The following RGS6 variants were observed in gnomAD, a reference collection of about 807,000 sequenced individuals.
The protein encoded by RGS6 is regulator of G protein signaling 6.
RGS6 carries 30 observed loss-of-function variants against 78.5 expected under a neutral mutation model. The ratio of observed to expected loss-of-function variants is 0.38; its 90% CI spans 0.29 to 0.52. RGS6 has a LOEUF of 0.52. RGS6 is among the 20% of genes least tolerant of loss of function. The pLI is 0.85. For synonymous variants in RGS6, 206 were observed against 206.0 expected, an observed-to-expected ratio of 1.00 and a Z score of 0.00; for missense variants, 495 against 609.7, an observed-to-expected ratio of 0.81 and a Z score of 1.98.
At chr14:71,928,961 T>C (rs768073888), upstream of RGS6, among the ~76,000 whole-genome samples, 15 of 152,240 alleles carry the variant, frequency 9.9e-5, no homozygotes, top group Non-Finnish European at 4.4e-5. Flanking sequence ...AGAACACTTA[T>C]ACTTTAATGT....
chr14:72,419,214 A>C (rs1161704993), intron 3 of RGS6, among the ~76,000 whole-genome samples: 1 of 152,260 alleles, frequency 6.6e-6, no homozygotes, highest in Non-Finnish European at 1.5e-5. Flanking sequence ...AATACTATTT[A>C]AAGCTAGTAG....
intron 2 of RGS6, among the ~76,000 whole-genome samples, chr14:72,347,188 T>A (rs2078220507): frequency 6.6e-6 from 1 of 152,234 alleles, no homozygotes. Context: ...GAATTGATTT[T>A]GCTCTTCTTT....
chr14:72,263,820 A>G (rs1407595512), intron 2 of RGS6, among the ~76,000 whole-genome samples: 1 of 152,202 alleles, frequency 6.6e-6, no homozygotes, highest in African/African-American at 2.4e-5. Flanking sequence ...TCAGCCACCC[A>G]GTTGGTGGTA....
chr14:72,160,629 G>A (rs569443473), intron 2 of RGS6, among the ~76,000 whole-genome samples: 27 of 152,170 alleles, frequency 1.8e-4, no homozygotes, highest in Non-Finnish European at 1.3e-4. Flanking sequence ...CCTTTGGGAT[G>A]GGTCCTAATC....
At chr14:72,436,584 G>A (rs2094922445) in intron 3 of RGS6, among the ~76,000 whole-genome samples, 1 of 152,154 alleles carries the variant, frequency 6.6e-6, no homozygotes, top group Non-Finnish European at 1.5e-5. Context: ...AGAATCAGGT[G>A]GGCAGAAATG....
chr14:72,114,504 T>A (rs1214037537), intron 2 of RGS6, among the ~76,000 whole-genome samples: 1 of 152,174 alleles, frequency 6.6e-6, no homozygotes, highest in East Asian at 1.9e-4. Context: ...AATGCTGTCA[T>A]CTTCATAATG....
At chr14:72,589,315 C>T in the RGS6 span, among the ~76,000 whole-genome samples, 1 of 152,140 alleles carries the variant, frequency 6.6e-6, no homozygotes, top group Non-Finnish European at 1.5e-5. Context: ...TTTGGGAGGC[C>T]AAGGCAGGTA....
chr14:72,542,768 T>C (rs2097343667), intron 17 of RGS6, among the ~76,000 whole-genome samples: 1 of 151,734 alleles, frequency 6.6e-6, no homozygotes, highest in Non-Finnish European at 1.5e-5. Context: ...CAATGTCCTT[T>C]CTTTTCTTGG....
intron 2 of RGS6, among the ~76,000 whole-genome samples, chr14:72,078,434 G>C (rs1398742834): frequency 6.6e-6 from 1 of 151,080 alleles, no homozygotes; most frequent in Non-Finnish European, 1.5e-5. Flanking sequence ...TTTTTTAAGA[G>C]ATGGAGTCTT....
intron 2 of RGS6, among the ~76,000 whole-genome samples, chr14:72,032,372 A>G (rs572737158): frequency 3.8e-4 from 58 of 152,336 alleles, no homozygotes; most frequent in African/African-American, 1.4e-3. Context: ...GTCAAAATAA[A>G]TAATATCTCA....
chr14:72,033,797 C>CT (rs2091282059), intron 2 of RGS6, among the ~76,000 whole-genome samples: 2 of 152,224 alleles, frequency 1.3e-5, no homozygotes, highest in South Asian at 2.1e-4. Context: ...TCTACTTTTA[C>CT]TTTTTTTCAG....
At chr14:72,106,712 C>G (rs2095640433) in intron 2 of RGS6, among the ~76,000 whole-genome samples, 1 of 152,180 alleles carries the variant, frequency 6.6e-6, no homozygotes, top group Admixed American at 6.5e-5. Context: ...TGCATTCCCC[C>G]ATTGTCCCCT....
At chr14:72,161,914 G>A (rs534433806) in intron 2 of RGS6, among the ~76,000 whole-genome samples, 8 of 152,186 alleles carry the variant, frequency 5.3e-5, no homozygotes, top group African/African-American at 1.9e-4. Context: ...GGAAACCCAC[G>A]GGAAGAGGAG....
intron 9 of RGS6, among the ~76,000 whole-genome samples, chr14:72,473,711 G>C (rs1049333087): frequency 1.3e-5 from 2 of 152,194 alleles, no homozygotes; most frequent in African/African-American, 2.4e-5. Context: ...GAACTACCAA[G>C]CTAGGTCCCC....
At chr14:72,215,959 A>G (rs889549129) in intron 2 of RGS6, among the ~76,000 whole-genome samples, 1 of 152,146 alleles carries the variant, frequency 6.6e-6, no homozygotes. Flanking sequence ...CCCCTACTTT[A>G]TTTTCTATAC....
chr14:72,474,901 G>A (rs867242245), intron 10 of RGS6, among the ~76,000 whole-genome samples: 6 of 152,294 alleles, frequency 3.9e-5, no homozygotes, highest in African/African-American at 1.4e-4. Context: ...TCCTCATGGA[G>A]CCCACAGCCT....
intron 2 of RGS6, among the ~76,000 whole-genome samples, chr14:72,293,682 G>A (rs915332247): frequency 1.3e-5 from 2 of 152,140 alleles, no homozygotes; most frequent in East Asian, 1.9e-4. Flanking sequence ...CCAATAGTTG[G>A]TGCTATATTC....
chr14:72,576,118 C>T, the RGS6 span, among the ~76,000 whole-genome samples: 1 of 152,246 alleles, frequency 6.6e-6, no homozygotes, highest in Non-Finnish European at 1.5e-5. Flanking sequence ...TTCGCATCTC[C>T]TTGAATACAA....
At chr14:72,154,239 G>C (rs144176895) in intron 2 of RGS6, among the ~76,000 whole-genome samples, 1 of 152,016 alleles carries the variant, frequency 6.6e-6, no homozygotes, top group Non-Finnish European at 1.5e-5. Context: ...CCTAAAAGTC[G>C]CTGTTATTCT....
Sources: allele counts gnomAD v4.1 joint callset (sites outside exome capture counted in the v4.1 genomes callset), GRCh38; gene constraint gnomAD v4.1.1; transcripts MANE v1.5; gene names NCBI Gene and HGNC (gene_info 2026-07-23, HGNC 2026-07-21).